SAMMSON: variants seen among roughly 807,000 people sequenced by gnomAD.
SAMMSON encodes the protein long intergenic non-protein coding RNA 1212.
intron 2 of SAMMSON, among the ~76,000 whole-genome samples, chr3:70,401,024 T>A (rs1559581372): frequency 6.6e-6 from 1 of 152,192 alleles, no homozygotes; most frequent in Non-Finnish European, 1.5e-5. Flanking sequence ...CATTTTATAG[T>A]ACAGTTTAAG....
chr3:70,353,637 G>A (rs1397700764), intron 7 of SAMMSON, among the ~76,000 whole-genome samples: 1 of 152,142 alleles, frequency 6.6e-6, no homozygotes, highest in Non-Finnish European at 1.5e-5. Flanking sequence ...ATGTAAAATA[G>A]TAGAGCCACT....
intron 4 of SAMMSON, among the ~76,000 whole-genome samples, chr3:70,189,032 T>C (rs1157073545): frequency 6.6e-6 from 1 of 152,176 alleles, no homozygotes; most frequent in Admixed American, 6.5e-5. Flanking sequence ...ATCTTTAGAA[T>C]GTTTCTCCAA....
At chr3:70,324,220 A>G (rs1047373602) in intron 7 of SAMMSON, among the ~76,000 whole-genome samples, 1 of 150,270 alleles carries the variant, frequency 6.7e-6, no homozygotes, top group African/African-American at 2.4e-5. Context: ...CTATCCACAC[A>G]CACAGAAAGA....
chr3:70,393,049 C>T (rs1701062984), downstream of SAMMSON, among the ~76,000 whole-genome samples: 1 of 152,138 alleles, frequency 6.6e-6, no homozygotes, highest in Non-Finnish European at 1.5e-5. Flanking sequence ...ATGATCAGAG[C>T]AGAAATGGAA....
intron 3 of SAMMSON, among the ~76,000 whole-genome samples, chr3:70,040,941 A>C (rs1576105733): frequency 6.6e-6 from 1 of 152,168 alleles, no homozygotes; most frequent in East Asian, 1.9e-4. Flanking sequence ...ATATCGTCTC[A>C]AAACAATAAA....
chr3:70,043,936 G>A (rs951729071), intron 3 of SAMMSON, among the ~76,000 whole-genome samples: 4 of 151,912 alleles, frequency 2.6e-5, no homozygotes, highest in Non-Finnish European at 4.4e-5. Context: ...AAAAGTTAAA[G>A]TGAACAAAAT....
chr3:70,353,983 A>T (rs1244506489), intron 7 of SAMMSON, among the ~76,000 whole-genome samples: 3 of 152,206 alleles, frequency 2.0e-5, no homozygotes, highest in Non-Finnish European at 4.4e-5. Flanking sequence ...CATGGATATG[A>T]TATTCTGAAA....
intron 7 of SAMMSON, among the ~76,000 whole-genome samples, chr3:70,333,230 T>C (rs1435419801): frequency 6.6e-6 from 1 of 152,150 alleles, no homozygotes; most frequent in East Asian, 1.9e-4. Flanking sequence ...AAATGCCACA[T>C]ACTCATTTCC....
At chr3:70,136,354 C>T (rs902977321) in intron 4 of SAMMSON, among the ~76,000 whole-genome samples, 2 of 152,196 alleles carry the variant, frequency 1.3e-5, no homozygotes, top group Admixed American at 6.5e-5. Context: ...CTGGGGGAAG[C>T]CAGCTGCTAT....
chr3:70,111,249 T>A (rs562912151), intron 4 of SAMMSON, among the ~76,000 whole-genome samples: 1 of 152,246 alleles, frequency 6.6e-6, no homozygotes, highest in African/African-American at 2.4e-5. Context: ...ATAGACTAGA[T>A]AAGAAAGAAA....
At chr3:70,213,721 GA>G (rs1427491281) in intron 4 of SAMMSON, among the ~76,000 whole-genome samples, 4 of 152,054 alleles carry the variant, frequency 2.6e-5, no homozygotes, top group African/African-American at 9.7e-5. Context: ...TAAAATGTAT[GA>G]TTATACTCTC....
intron 4 of SAMMSON, among the ~76,000 whole-genome samples, chr3:70,199,380 GA>G (rs78677995): frequency 0.089 from 13,266 of 149,770 alleles, 869 homozygotes; most frequent in East Asian, 0.37. Flanking sequence ...ATTTACAAAA[GA>G]AAAAAAAAAG....
At chr3:70,011,815 G>C (rs948383534) in intron 1 of SAMMSON, among the ~76,000 whole-genome samples, 1 of 152,008 alleles carries the variant, frequency 6.6e-6, no homozygotes, top group African/African-American at 2.4e-5. Flanking sequence ...AGTATGGAAA[G>C]CACAGTGATC....
intron 6 of SAMMSON, among the ~76,000 whole-genome samples, chr3:70,279,611 G>T (rs1181184011): frequency 6.6e-6 from 1 of 152,122 alleles, no homozygotes. Context: ...TGAAGGCTCA[G>T]ATTTGCGTTG....
At chr3:70,100,118 G>A (rs556045912) in intron 4 of SAMMSON, among the ~76,000 whole-genome samples, 8 of 152,168 alleles carry the variant, frequency 5.3e-5, no homozygotes, top group African/African-American at 1.7e-4. Context: ...AGTTTTGGCA[G>A]TATTTTCATT....
chr3:70,302,971 CAGA>C (rs1702365252), intron 7 of SAMMSON, among the ~76,000 whole-genome samples: 2 of 152,130 alleles, frequency 1.3e-5, no homozygotes. Flanking sequence ...TATGAGAACA[CAGA>C]AGATCTCATC....
At chr3:70,133,761 A>T (rs1033166970) in intron 4 of SAMMSON, among the ~76,000 whole-genome samples, 9 of 152,234 alleles carry the variant, frequency 5.9e-5, no homozygotes, top group African/African-American at 2.2e-4. Flanking sequence ...ATGTGTACTG[A>T]GGGAGTGTGA....
intron 4 of SAMMSON, among the ~76,000 whole-genome samples, chr3:70,104,903 A>G (rs2067361231): frequency 6.6e-6 from 1 of 152,196 alleles, no homozygotes; most frequent in African/African-American, 2.4e-5. Flanking sequence ...TTCTGAACAG[A>G]AAGACTCCTT....
At chr3:70,339,598 T>C (rs1702694349) in intron 7 of SAMMSON, among the ~76,000 whole-genome samples, 1 of 152,178 alleles carries the variant, frequency 6.6e-6, no homozygotes, top group African/African-American at 2.4e-5. Context: ...GCGAAGGATA[T>C]GAACAGATAC....
Sources: gnomAD v4.1 joint callset for allele counts (sites outside exome capture counted in the v4.1 genomes callset) on GRCh38, gnomAD v4.1.1 for gene constraint, MANE v1.5 for transcripts, NCBI Gene and HGNC (gene_info 2026-07-23, HGNC 2026-07-21) for gene names.